The following PCDHGB1 variants were observed in gnomAD, a reference collection of about 807,000 sequenced individuals.
The protein encoded by PCDHGB1 is protocadherin gamma-B1.
A neutral mutation model predicts 56.6 loss-of-function variants in PCDHGB1; 34 were observed. The ratio of observed to expected loss-of-function variants is 0.60; its 90% CI spans 0.46 to 0.80. The LOEUF (loss-of-function observed/expected upper bound fraction) is 0.80. Ranked by LOEUF, PCDHGB1 falls within the 30% of genes least tolerant of loss-of-function variation. The pLI is 0.00. For missense variants in PCDHGB1, 1,278 were observed against 1,204.6 expected, an observed-to-expected ratio of 1.06 and a Z score of -0.90; for synonymous variants, 561 against 505.9, an observed-to-expected ratio of 1.11 and a Z score of -1.46.
intron 1 of PCDHGB1, among the ~76,000 whole-genome samples, chr5:141,438,591 C>CATATATAT (rs946798767): frequency 3.4e-4 from 26 of 75,528 alleles, no homozygotes; most frequent in Non-Finnish European, 5.4e-4. Flanking sequence ...TACATACATA[C>CATATATAT]ATATATATAT....
At position 141,432,957 on chromosome 5, in the gene PCDHGB1, C is replaced by T. The variant is rs2097553676; in HGVS notation, c.2410-61850C>T. 1 of 1,614,190 alleles carries T rather than the reference C, an allele frequency of 6.2e-7. No individual in the cohort carries two copies. The highest frequency in any genetic ancestry group is 8.5e-7 in the Non-Finnish European group (1 of 1,180,030). ...CTGCAGGCTTCAGGAGGCGGCTTGA[C>T]AGGAGCGCCGGCGTCGCACTTTGTG... On this transcript the variant is annotated intron_variant, in intron 1 of 3. Coordinates refer to ENST00000523390, the MANE Select transcript of PCDHGB1 (RefSeq NM_018922.3). This position sits in a 1 kb window ranked among gnomAD's most constrained non-coding sequence, Gnocchi z 6.0.
At chr5:141,365,366 G>A (rs764735476) in intron 1 of PCDHGB1, 15 of 1,613,910 alleles carry the variant, frequency 9.3e-6, no homozygotes, top group Middle Eastern at 1.6e-4. Flanking sequence ...CAATGCCCCC[G>A]AAGTGATCCT....
chr5:141,423,983 C>T, intron 1 of PCDHGB1: 5 of 1,107,052 alleles, frequency 4.5e-6, no homozygotes, highest in Non-Finnish European at 5.6e-6. Context: ...GTATGAGGCT[C>T]TCAATTTATT....
At chr5:141,392,750 G>C in intron 1 of PCDHGB1, 1 of 1,451,824 alleles carries the variant, frequency 6.9e-7, no homozygotes, top group Non-Finnish European at 9.1e-7. Flanking sequence ...GCTGCGGCAA[G>C]AAACTAAATA....
intron 3 of PCDHGB1, among the ~76,000 whole-genome samples, chr5:141,507,500 A>G (rs2099861039): frequency 6.6e-6 from 1 of 152,206 alleles, no homozygotes; most frequent in Admixed American, 6.5e-5. Flanking sequence ...GAGCTGTCCC[A>G]GGTCTGGTGG....
chr5:141,501,442 T>C (rs1202229661), intron 2 of PCDHGB1, among the ~76,000 whole-genome samples: 1 of 152,016 alleles, frequency 6.6e-6, no homozygotes, highest in African/African-American at 2.4e-5. Context: ...ATTTCTTCCA[T>C]TTTTACTTTT....
chr5:141,426,369 A>G, intron 1 of PCDHGB1: 1 of 205,906 alleles, frequency 4.9e-6, no homozygotes, highest in Non-Finnish European at 1.0e-5. Context: ...TCTGCGGGGC[A>G]CCCTCGGAGC....
At chr5:141,408,850 C>T (rs2095179070) in intron 1 of PCDHGB1, 2 of 1,613,554 alleles carry the variant, frequency 1.2e-6, no homozygotes, top group South Asian at 1.1e-5. Context: ...CTGCCTTGGA[C>T]GGAGGGGACC....
In PCDHGB1 at chr5:141,350,612, G is replaced by T; in HGVS notation, c.352G>T (p.Val118Phe). Reference sequence around the variant, plus strand: ...CCCAATGAATGTTTTCCACGTGGTTGTTGTAATCCAAGATATTAATGACAA... The same window carrying T: ...CCCAATGAATGTTTTCCACGTGGTTTTTGTAATCCAAGATATTAATGACAA... Reference protein sequence around the residue: ...ENPMNVFHVVVVIQDINDNAP... With the variant: ...ENPMNVFHVVFVIQDINDNAP... Residue 118 changes from valine (V) to phenylalanine (F), a missense_variant, in exon 1 of 4, where the codon GTT becomes TTT. Val to Phe is a conservative substitution (Grantham distance 50, BLOSUM62 -1). Coordinates refer to ENST00000523390, the MANE Select transcript of PCDHGB1 (RefSeq NM_018922.3). The T allele has an allele frequency of 6.2e-7, 1 of 1,614,070 alleles. No homozygotes were observed. The highest frequency in any genetic ancestry group is 1.1e-5 in the South Asian group (1 of 91,090).
In PCDHGB1 at chr5:141,487,605, A is replaced by G. The variant is rs202066746; in HGVS notation, c.2410-7202A>G. Reference sequence around the variant, plus strand: ...AGCTGCCCACCCTCTGATCTTCTCTATGGGCTAGAGGTGAGACCTTTGCAG... The same window carrying G: ...AGCTGCCCACCCTCTGATCTTCTCTGTGGGCTAGAGGTGAGACCTTTGCAG... On this transcript the variant is annotated intron_variant, in intron 1 of 3. Transcript: ENST00000523390. The surrounding 1 kb of genome is among the most constrained non-coding windows in gnomAD (Gnocchi z 5.0). 8.7e-6 allele frequency: 14 copies of G among 1,614,008 alleles called. No individual in the cohort carries two copies. In the South Asian group the frequency reaches 8.8e-5, roughly 10 times the overall value.
In PCDHGB1 at chr5:141,392,850, C is replaced by T. The variant is rs752526573; in HGVS notation, c.2409+40181C>T. ...ACAGAGTCGCCCCAGACGCGGCGAG[C>T]TGATCCTGCTGTGCGCGCTGCTGGG... On this transcript the variant is annotated intron_variant, in intron 1 of 3. Coordinates refer to ENST00000523390, the MANE Select transcript of PCDHGB1 (RefSeq NM_018922.3). The T allele has an allele frequency of 3.1e-6, 5 of 1,610,550 alleles. No homozygotes were observed. In the African/African-American group the frequency reaches 5.3e-5, roughly 17 times the overall value.
At chr5:141,369,894 T>C (rs1766545420) in intron 1 of PCDHGB1, among the ~76,000 whole-genome samples, 1 of 152,332 alleles carries the variant, frequency 6.6e-6, no homozygotes, top group African/African-American at 2.4e-5. Flanking sequence ...GATATTATTA[T>C]GACCATTTTA....
rs375363587 is a variant in PCDHGB1 at position 141,414,524 on chromosome 5, A to G, written c.2409+61855A>G. On this transcript the variant is annotated intron_variant, in intron 1 of 3. Coordinates refer to ENST00000523390, the MANE Select transcript of PCDHGB1 (RefSeq NM_018922.3). ...TTTATGCTACAAGTGGCAGATATCA[A>G]TGACAACCCACCTACCTTCTCTCAA... 105 of 1,613,844 alleles carry G rather than the reference A, an allele frequency of 6.5e-5. 1 individual carries two copies. In the South Asian group the frequency reaches 7.2e-4, roughly 11 times the overall value.
At chr5:141,478,449 C>A in intron 1 of PCDHGB1, 1 of 1,613,540 alleles carries the variant, frequency 6.2e-7, no homozygotes. Context: ...AAACCTGGTG[C>A]AGCCAGTCCA....
intron 1 of PCDHGB1, chr5:141,399,023 C>T: frequency 6.2e-7 from 1 of 1,613,914 alleles, no homozygotes; most frequent in African/African-American, 1.3e-5. Flanking sequence ...GAAATTACCA[C>T]TCAAAAGAAA....
chr5:141,441,752 C>T, intron 1 of PCDHGB1: 2 of 378,086 alleles, frequency 5.3e-6, no homozygotes, highest in Non-Finnish European at 1.1e-5. Context: ...TCGGCGTCAA[C>T]GTGAGCCTGC....
intron 1 of PCDHGB1, chr5:141,413,768 TG>T (rs1158107882): frequency 2.5e-6 from 4 of 1,613,132 alleles, no homozygotes; most frequent in Non-Finnish European, 3.4e-6. Context: ...TACCCGGAGC[TG>T]GTACTGGAGC....
At chr5:141,418,933 G>A in intron 1 of PCDHGB1, 2 of 1,614,010 alleles carry the variant, frequency 1.2e-6, no homozygotes, top group Non-Finnish European at 1.7e-6. Flanking sequence ...AGATTATGGA[G>A]GATTCCCCTC....
At chr5:141,421,081 A>G (rs775366249) in intron 1 of PCDHGB1, 61 of 637,820 alleles carry the variant, frequency 9.6e-5, no homozygotes, top group Non-Finnish European at 1.4e-4. Flanking sequence ...ATGGATACTC[A>G]CAGATCCTGA....
Sources: allele counts gnomAD v4.1 joint callset (sites outside exome capture counted in the v4.1 genomes callset), GRCh38; gene constraint gnomAD v4.1.1; non-coding constraint Gnocchi (gnomAD v3.1); transcripts MANE v1.5; gene names NCBI Gene and HGNC (gene_info 2026-07-23, HGNC 2026-07-21).